The following SLC16A3 variants were observed in gnomAD, a reference collection of about 807,000 sequenced individuals.
SLC16A3 encodes solute carrier family 16 member 3, also known as monocarboxylate transporter 4.
Under a neutral mutation model 25.0 loss-of-function variants are expected in SLC16A3, and 22 were observed. The ratio of observed to expected loss-of-function variants is 0.88; its 90% CI spans 0.63 to 1.26. SLC16A3 has a LOEUF of 1.26. Among genes scored for constraint, SLC16A3 ranks in the 50% most tolerant of loss-of-function variants. The probability of loss-of-function intolerance (pLI) is 0.00; values close to 1 mark genes in which losing one functional copy is unlikely to be tolerated. For synonymous variants in SLC16A3, 390 were observed against 309.2 expected, an observed-to-expected ratio of 1.26 and a Z score of -2.74; for missense variants, 731 against 666.6, an observed-to-expected ratio of 1.10 and a Z score of -1.06.
upstream of SLC16A3, among the ~76,000 whole-genome samples, chr17:82,227,621 CCACCTGCCCTGGGCGG>C (rs1568531582): frequency 6.9e-5 from 2 of 29,020 alleles, no homozygotes; most frequent in African/African-American, 7.6e-5. Flanking sequence ...GGCGGGAGCA[CCACCTGCCCTGGGCGG>C]GAGCACCACC....
upstream of SLC16A3, among the ~76,000 whole-genome samples, chr17:82,225,520 C>G (rs1195133729): frequency 6.6e-6 from 1 of 152,204 alleles, no homozygotes; most frequent in African/African-American, 2.4e-5. Flanking sequence ...ACAGTTGTGT[C>G]ACCAGATCCT....
rs549596018 is a variant in SLC16A3 at position 82,239,103 on chromosome 17, C to G, written c.*127C>G. 5.2e-4 allele frequency: 466 copies of G among 896,108 alleles called. 1 individual carries two copies. The highest frequency in any genetic ancestry group is 8.0e-4 in the East Asian group (29 of 36,382). 55.5% of individuals were successfully genotyped at this position (896,108 alleles called of 1,614,324 possible). A position where few individuals can be genotyped will look rare whatever the true frequency, so the allele number is the denominator to read the frequency against. On this transcript the variant is annotated 3_prime_UTR_variant, in exon 5 of 5. Transcript: ENST00000582743. Reference sequence around the variant, plus strand: ...GGCTCCAGCTGCCGGCCCAGCGGATCGTCGCCCGATCAGTGTTTTGAGGGG... The same window carrying G: ...GGCTCCAGCTGCCGGCCCAGCGGATGGTCGCCCGATCAGTGTTTTGAGGGG...
At chr17:82,218,079 C>T (rs1431593739) in exon 1 of SLC16A3, among the ~76,000 whole-genome samples, 2 of 152,226 alleles carry the variant, frequency 1.3e-5, no homozygotes, top group African/African-American at 4.8e-5. Context: ...CACGAGGCCA[C>T]AGCAGGGGCT....
In SLC16A3 at chr17:82,238,876, C is replaced by CT; in HGVS notation, c.1299dup (p.Ala434CysfsTer17). On this transcript the variant is annotated frameshift_variant, in exon 5 of 5. Coordinates refer to ENST00000582743, the MANE Select transcript of SLC16A3 (RefSeq NM_004207.4). LOFTEE classifies it high-confidence loss of function. The stretch of plus-strand genomic sequence containing the variant: ...GAGGAGGAGAAGCTCCACAAGCCTC[C>CT]TGCAGACTCGGGGGTGGACTTGCGG... 6.2e-7 allele frequency: 1 copy of CT among 1,610,118 alleles called. No individual in the cohort carries two copies. The highest frequency in any genetic ancestry group is 8.5e-7 in the Non-Finnish European group (1 of 1,177,820).
Position 82,239,857 on chromosome 17 carries a change from T to C in SLC16A3, c.*881T>C. 3.8e-6 allele frequency: 2 copies of C among 528,220 alleles called. No homozygotes were observed. Among genetic ancestry groups the C allele is most frequent in the Non-Finnish European group, 5.8e-6 (2 of 345,530 alleles). The allele number at this position is 528,220 out of a possible 1,614,324, so 32.7% of individuals were successfully genotyped here. On this transcript the variant is annotated 3_prime_UTR_variant, in exon 5 of 5. Transcript: ENST00000582743. ...GTGCCCAGGGCTGGTCTTTGCACCCTGTCCTCCATCCAGCCCGGCCCAGCG... is the reference window on the plus strand; with the variant it reads ...GTGCCCAGGGCTGGTCTTTGCACCCCGTCCTCCATCCAGCCCGGCCCAGCG...
chr17:82,228,294 G>C (rs966883530), upstream of SLC16A3: 1 of 152,306 alleles, frequency 6.6e-6, no homozygotes, highest in African/African-American at 2.4e-5. Context: ...TCGCCTCCCC[G>C]AAGGTGGGAG....
upstream of SLC16A3, among the ~76,000 whole-genome samples, chr17:82,226,159 C>G (rs983769277): frequency 6.6e-6 from 1 of 151,910 alleles, no homozygotes; most frequent in Non-Finnish European, 1.5e-5. Flanking sequence ...GAACTGGGAA[C>G]AAAAGGAAGT....
chr17:82,236,929 T>A (rs1599559624), intron 3 of SLC16A3, 57 bp downstream of exon 3: 1 of 1,586,890 alleles, frequency 6.3e-7, no homozygotes, highest in Non-Finnish European at 8.5e-7. Flanking sequence ...GCCGTGCACT[T>A]CTGCTCCTGG....
rs750861421 is a variant in SLC16A3, at chr17:82,239,027, C to G, written c.*51C>G. On this transcript the variant is annotated 3_prime_UTR_variant, in exon 5 of 5. Coordinates refer to ENST00000582743, the MANE Select transcript of SLC16A3 (RefSeq NM_004207.4). The stretch of plus-strand genomic sequence containing the variant: ...AGGGAGGAGGTACAGAAGCCGGCAA[C>G]GCTTGCTATTTATTTTACAAACTGG... 4 of 1,472,814 alleles carry G rather than the reference C, an allele frequency of 2.7e-6. No individual in the cohort carries two copies. Among genetic ancestry groups the G allele is most frequent in the Middle Eastern group, 2.0e-4 (1 of 4,906 alleles). 91.2% of individuals were successfully genotyped at this position (1,472,814 alleles called of 1,614,324 possible).
At position 82,236,112 on chromosome 17, in the gene SLC16A3, C is replaced by T. The variant is rs771661411; in HGVS notation, c.104C>T (p.Ser35Phe). 2.5e-6 allele frequency: 4 copies of T among 1,613,206 alleles called. No individual in the cohort carries two copies. Among genetic ancestry groups the T allele is most frequent in the Admixed American group, 1.7e-5 (1 of 60,030 alleles). ...GGCTGTTTCGTCATCACTGGCTTCT[C>T]CTACGCCTTCCCCAAGGCCGTCAGT... ...LFGCFVITGF[S>F]YAFPKAVSVF... Residue 35 changes from serine (S) to phenylalanine (F), a missense_variant, in exon 2 of 5, where the codon TCC (serine) becomes TTC (phenylalanine). Ser to Phe is a radical substitution (Grantham distance 155). Transcript: ENST00000582743.
chr17:82,222,798 C>T (rs1320467138), intron 1 of SLC16A3, among the ~76,000 whole-genome samples: 3 of 120,754 alleles, frequency 2.5e-5, no homozygotes, highest in Non-Finnish European at 5.3e-5. Flanking sequence ...AGCGAGACTC[C>T]GTCTCAAAAA....
At chr17:82,224,111 C>G (rs534823490), upstream of SLC16A3, among the ~76,000 whole-genome samples, 1 of 135,168 alleles carries the variant, frequency 7.4e-6, no homozygotes, top group South Asian at 2.6e-4. Context: ...TACACCCGTG[C>G]AGACACACCC....
At chr17:82,236,418 C>A in intron 2 of SLC16A3, 187 bp downstream of exon 2, 1 of 653,172 alleles carries the variant, frequency 1.5e-6, no homozygotes, top group Non-Finnish European at 2.6e-6. Context: ...AGGCAGGGCG[C>A]GAAGTCCATC....
At chr17:82,236,918 G>A (rs776226040) in intron 3 of SLC16A3, 46 bp downstream of exon 3, 48 of 1,594,374 alleles carry the variant, frequency 3.0e-5, no homozygotes, top group Non-Finnish European at 4.0e-5. Flanking sequence ...GAGGGGCAGG[G>A]GCCGTGCACT....
upstream of SLC16A3, among the ~76,000 whole-genome samples, chr17:82,223,438 A>G (rs1213363472): frequency 6.6e-6 from 1 of 152,070 alleles, no homozygotes; most frequent in African/African-American, 2.4e-5. Flanking sequence ...ATCTGCCCAC[A>G]CTGGCCTCTC....
At chr17:82,221,277 G>A (rs1466051823) in intron 1 of SLC16A3, among the ~76,000 whole-genome samples, 2 of 152,130 alleles carry the variant, frequency 1.3e-5, no homozygotes, top group Admixed American at 6.5e-5. Flanking sequence ...ACTCAACAAA[G>A]GGCCGGGCAC....
rs1285498658 is a variant in SLC16A3, at chr17:82,236,138, GTCT to G, written c.136_138del (p.Phe46del). ...CTACGCCTTCCCCAAGGCCGTCAGT[GTCT>G]TCTTCAAGGAGCTCATACAGGAGTT... On this transcript the variant is annotated inframe_deletion, in exon 2 of 5. Transcript: ENST00000582743. 5 of 1,613,190 alleles carry G rather than the reference GTCT, an allele frequency of 3.1e-6. No individual in the cohort carries two copies. The highest frequency in any genetic ancestry group is 4.2e-6 in the Non-Finnish European group (5 of 1,179,992).
chr17:82,228,499 C>A (rs1047494044), upstream of SLC16A3: 11 of 152,416 alleles, frequency 7.2e-5, no homozygotes, highest in Non-Finnish European at 1.6e-4. Flanking sequence ...GAAGAGCCGC[C>A]GTCCGCACCG....
At chr17:82,218,733 G>T (rs2050371249) in intron 1 of SLC16A3, among the ~76,000 whole-genome samples, 1 of 152,190 alleles carries the variant, frequency 6.6e-6, no homozygotes, top group Non-Finnish European at 1.5e-5. Context: ...CGGCAGAAGG[G>T]CAGAAGGTAC....
Sources: gnomAD v4.1 joint callset for allele counts (sites outside exome capture counted in the v4.1 genomes callset) on GRCh38, gnomAD v4.1.1 for gene constraint, MANE v1.5 for transcripts, NCBI Gene and HGNC (gene_info 2026-07-23, HGNC 2026-07-21) for gene names.